The following SCAPER variants were observed in gnomAD, a reference collection of about 807,000 sequenced individuals.
SCAPER encodes S-phase cyclin A associated protein in the ER, also known as S phase cyclin A-associated protein in the endoplasmic reticulum.
A neutral mutation model predicts 182.2 loss-of-function variants in SCAPER; 98 were observed. The ratio of observed to expected loss-of-function variants is 0.54; its 90% CI spans 0.46 to 0.64. The LOEUF is 0.64. SCAPER is among the 30% of genes least tolerant of loss of function. The probability of loss-of-function intolerance (pLI) is 0.00; values close to 1 mark genes in which losing one functional copy is unlikely to be tolerated. For synonymous variants in SCAPER, 605 were observed against 564.6 expected, an observed-to-expected ratio of 1.07 and a Z score of -1.01; for missense variants, 1,432 against 1,690.0, an observed-to-expected ratio of 0.85 and a Z score of 2.68.
intron 23 of SCAPER, among the ~76,000 whole-genome samples, chr15:76,532,827 T>G (rs779543278): frequency 4.9e-4 from 75 of 152,112 alleles, no homozygotes; most frequent in Middle Eastern, 3.4e-3. Context: ...GATTAACAAG[T>G]GATGATGCCT....
intron 5 of SCAPER, among the ~76,000 whole-genome samples, chr15:76,808,090 G>T (rs1187541392): frequency 6.6e-6 from 1 of 152,114 alleles, no homozygotes; most frequent in Non-Finnish European, 1.5e-5. Flanking sequence ...ATTTTCAACA[G>T]GTGTGTGAGC....
chr15:76,889,442 G>C (rs2074041608), intron 1 of SCAPER, among the ~76,000 whole-genome samples: 1 of 152,128 alleles, frequency 6.6e-6, no homozygotes, highest in Non-Finnish European at 1.5e-5. Context: ...CATGTGCAGA[G>C]ACACACATAG....
intron 5 of SCAPER, among the ~76,000 whole-genome samples, chr15:76,821,525 G>A (rs1308686130): frequency 6.6e-6 from 1 of 152,198 alleles, no homozygotes; most frequent in Non-Finnish European, 1.5e-5. Flanking sequence ...GAGAGGCTGA[G>A]GTTGGGGGGG....
rs191906751 is a variant in SCAPER, at chr15:76,522,263, A to G, written c.2839-17289T>C. Among the ~76,000 whole-genome samples, 231 of 152,252 alleles carry G rather than the reference A, an allele frequency of 1.5e-3. 1 individual carries two copies. The highest frequency in any genetic ancestry group is 2.5e-3 in the Non-Finnish European group (171 of 67,976). On this transcript the variant is annotated intron_variant, in intron 23 of 31. Coordinates refer to ENST00000563290, the MANE Select transcript of SCAPER (RefSeq NM_020843.4). ...ATTTAGGTCAAATTATGAGACAGAGACAGAGAGCAAGTACCCCAGTATAAT... is the reference window on the plus strand; with the variant it reads ...ATTTAGGTCAAATTATGAGACAGAGGCAGAGAGCAAGTACCCCAGTATAAT...
At chr15:76,873,372 AGG>A (rs2072910475) in intron 2 of SCAPER, among the ~76,000 whole-genome samples, 2 of 134,688 alleles carry the variant, frequency 1.5e-5, no homozygotes, top group African/African-American at 5.7e-5. Flanking sequence ...GCAGGCAGGC[AGG>A]CAGGCAGGCA....
intron 29 of SCAPER, among the ~76,000 whole-genome samples, chr15:76,367,618 G>T (rs572341128): frequency 6.6e-6 from 1 of 152,178 alleles, no homozygotes; most frequent in Non-Finnish European, 1.5e-5. Context: ...AGCCACTCAG[G>T]CAAGCCAGGA....
intron 20 of SCAPER, among the ~76,000 whole-genome samples, chr15:76,669,437 AG>A (rs2056858254): frequency 6.6e-6 from 1 of 152,216 alleles, no homozygotes; most frequent in Non-Finnish European, 1.5e-5. Context: ...AGCGAGTGGC[AG>A]GGAGGAGAAA....
chr15:76,353,126 A>T (rs1260334671), intron 30 of SCAPER, among the ~76,000 whole-genome samples: 1 of 152,174 alleles, frequency 6.6e-6, no homozygotes, highest in Non-Finnish European at 1.5e-5. Flanking sequence ...TATCCTTTTG[A>T]CAGAGATAGA....
At chr15:76,395,766 A>C (rs1214606401) in intron 27 of SCAPER, among the ~76,000 whole-genome samples, 2 of 152,166 alleles carry the variant, frequency 1.3e-5, no homozygotes, top group African/African-American at 4.8e-5. Context: ...TCAGATGGGT[A>C]CTTTGCAAAT....
intron 17 of SCAPER, among the ~76,000 whole-genome samples, chr15:76,708,216 T>C (rs1298859223): frequency 6.6e-6 from 1 of 152,194 alleles, no homozygotes; most frequent in Non-Finnish European, 1.5e-5. Context: ...GTTATACAAG[T>C]AGTTGTTATA....
intron 27 of SCAPER, among the ~76,000 whole-genome samples, chr15:76,393,611 T>A (rs887396626): frequency 6.6e-6 from 1 of 152,242 alleles, no homozygotes; most frequent in African/African-American, 2.4e-5. Context: ...TGGTCCCCTA[T>A]GCTCTTCTAG....
chr15:76,527,426 G>C (rs138781510), intron 23 of SCAPER, among the ~76,000 whole-genome samples: 11 of 152,278 alleles, frequency 7.2e-5, no homozygotes, highest in African/African-American at 1.9e-4. Flanking sequence ...TCAGTGGTTG[G>C]AGTTCCAGCA....
chr15:76,829,082 C>CA (rs914263138), intron 5 of SCAPER, among the ~76,000 whole-genome samples: 11 of 151,476 alleles, frequency 7.3e-5, no homozygotes, highest in South Asian at 2.1e-4. Flanking sequence ...AACAAGTGGA[C>CA]AAAAAAAATG....
chr15:76,857,434 G>GAA (rs934139466), intron 4 of SCAPER, among the ~76,000 whole-genome samples: 1 of 120,590 alleles, frequency 8.3e-6, no homozygotes, highest in Non-Finnish European at 1.8e-5. Flanking sequence ...CTGTCTCAAA[G>GAA]AAAAAAAAAA....
intron 29 of SCAPER, among the ~76,000 whole-genome samples, chr15:76,374,619 T>A (rs1205958872): frequency 6.6e-6 from 1 of 151,398 alleles, no homozygotes; most frequent in East Asian, 2.0e-4. Context: ...GTAGCTGGGA[T>A]TACAGGCATG....
intron 21 of SCAPER, among the ~76,000 whole-genome samples, chr15:76,662,908 C>G (rs1208410276): frequency 6.6e-6 from 1 of 151,868 alleles, no homozygotes; most frequent in East Asian, 1.9e-4. Context: ...AGGCAAAGAT[C>G]TCTTAGACAC....
chr15:76,481,089 T>C (rs889933076), intron 24 of SCAPER, among the ~76,000 whole-genome samples: 1 of 152,194 alleles, frequency 6.6e-6, no homozygotes, highest in African/African-American at 2.4e-5. Flanking sequence ...GCCAATCTGG[T>C]TTATTCTCAG....
intron 28 of SCAPER, 45 bp from the exon 29 acceptor site, chr15:76,376,356 G>T (rs1445197970): frequency 6.5e-7 from 1 of 1,544,238 alleles, no homozygotes; most frequent in Non-Finnish European, 8.7e-7. Flanking sequence ...CCCAGGGAGA[G>T]CCAGGGCTGC....
chr15:76,420,241 T>TTC (rs2045935080), intron 26 of SCAPER, among the ~76,000 whole-genome samples: 1 of 148,156 alleles, frequency 6.7e-6, no homozygotes, highest in Admixed American at 6.7e-5. Context: ...TTTCCTTTTT[T>TTC]TTTTTTTTTT....
Sources: gnomAD v4.1 joint callset for allele counts (sites outside exome capture counted in the v4.1 genomes callset) on GRCh38, gnomAD v4.1.1 for gene constraint, MANE v1.5 for transcripts, NCBI Gene and HGNC (gene_info 2026-07-23, HGNC 2026-07-21) for gene names.